The following IL1RAPL1 variants were observed in gnomAD, a reference collection of about 807,000 sequenced individuals.
IL1RAPL1 encodes interleukin-1 receptor accessory protein-like 1.
IL1RAPL1 carries 3 observed loss-of-function variants against 48.4 expected under a neutral mutation model. The observed-to-expected ratio is 0.06, with a 90% CI of 0.03 to 0.16. The LOEUF (loss-of-function observed/expected upper bound fraction) is 0.16, where lower values mean the gene tolerates loss of function less well. Among genes scored for constraint, IL1RAPL1 ranks in the 10% least tolerant of loss-of-function variants. IL1RAPL1 has a pLI of 1.00. For missense variants in IL1RAPL1, 349 were observed against 530.6 expected (o/e 0.66, Z 3.36); for synonymous variants, 185 against 187.7 (o/e 0.99, Z 0.12).
chrX:28,879,395 G>A (rs1922451858), intron 2 of IL1RAPL1, among the ~76,000 whole-genome samples: 1 of 110,979 alleles, frequency 9.0e-6, no homozygotes, highest in Non-Finnish European at 1.9e-5. Flanking sequence ...AAGTCCAGTG[G>A]GAAAGCTATG....
intron 3 of IL1RAPL1, among the ~76,000 whole-genome samples, chrX:29,309,269 G>A (rs1405369518): frequency 9.0e-6 from 1 of 111,110 alleles, no homozygotes; most frequent in Non-Finnish European, 1.9e-5. Flanking sequence ...TAAGCCTTAG[G>A]GTGAGCTAGA....
intron 2 of IL1RAPL1, among the ~76,000 whole-genome samples, chrX:29,132,676 T>C (rs1263378788): frequency 9.0e-6 from 1 of 111,396 alleles, no homozygotes; most frequent in Non-Finnish European, 1.9e-5. Flanking sequence ...ATTTTTATCT[T>C]GTGGACATTG....
chrX:29,881,976 G>T (rs757827246), intron 6 of IL1RAPL1, among the ~76,000 whole-genome samples: 1 of 111,288 alleles, frequency 9.0e-6, no homozygotes, highest in African/African-American at 3.3e-5. Flanking sequence ...TCTATAGAGG[G>T]AAACCCTTGC....
chrX:29,774,329 A>G lies in IL1RAPL1; in HGVS notation c.778+105825A>G, dbSNP rs1024826225. Among the ~76,000 whole-genome samples the G allele has an allele frequency of 2.3e-4, 26 of 111,735 alleles. 1 individual carries two copies. The highest frequency in any genetic ancestry group is 7.8e-4 in the African/African-American group (24 of 30,761). ...CAGTGGGAAATTTCCATTTGTAATT[A>G]TGTCCATCACAACATCAGCAGCAAG... On this transcript the variant is annotated intron_variant, in intron 6 of 10. Transcript: ENST00000378993.
At chrX:29,064,458 T>C (rs2147435580) in intron 2 of IL1RAPL1, among the ~76,000 whole-genome samples, 1 of 111,792 alleles carries the variant, frequency 8.9e-6, no homozygotes, top group South Asian at 3.8e-4. Context: ...CAGAGGGGAT[T>C]GGGAAGCTGG....
rs200142905 is a variant in IL1RAPL1 at position 29,310,320 on chromosome X, TTTCTC to T, written c.362+27106_362+27110del. Among the ~76,000 whole-genome samples, 148 of 105,042 alleles carry T rather than the reference TTTCTC, an allele frequency of 1.4e-3. 2 individuals carry two copies. The East Asian group carries it at 0.035, about 25-fold the overall frequency. 91.2% of individuals were successfully genotyped at this position (105,042 alleles called of 115,157 possible). A position where few individuals can be genotyped will look rare whatever the true frequency, so the allele number is the denominator to read the frequency against. On this transcript the variant is annotated intron_variant, in intron 3 of 10. Coordinates refer to ENST00000378993, the MANE Select transcript of IL1RAPL1 (RefSeq NM_014271.4). ...TTATAAAAATTATATTTTGACTTCTTTTCTCTTATATTAGTTGGTAGAATAAGCAG... is the reference window on the plus strand; with the variant it reads ...TTATAAAAATTATATTTTGACTTCTTTTATATTAGTTGGTAGAATAAGCAG...
intron 2 of IL1RAPL1, among the ~76,000 whole-genome samples, chrX:29,175,071 CTCAAAA>C (rs1929985060): frequency 3.8e-5 from 1 of 26,592 alleles, no homozygotes. Context: ...GAGACTCCGT[CTCAAAA>C]AAAAAAAAAA....
chrX:29,555,895 A>C (rs911184730), intron 5 of IL1RAPL1, among the ~76,000 whole-genome samples: 2 of 112,273 alleles, frequency 1.8e-5, no homozygotes, highest in African/African-American at 6.5e-5. Context: ...GAATTGCAGG[A>C]ATGTGCACTA....
chrX:29,207,035 G>A (rs1035595148), intron 2 of IL1RAPL1, among the ~76,000 whole-genome samples: 3 of 111,661 alleles, frequency 2.7e-5, no homozygotes, highest in African/African-American at 9.8e-5. Context: ...GGCTAGAAAT[G>A]TGCTTTTATG....
intron 2 of IL1RAPL1, among the ~76,000 whole-genome samples, chrX:29,051,497 C>T (rs995902996): frequency 2.7e-5 from 3 of 112,056 alleles, no homozygotes; most frequent in African/African-American, 6.5e-5. Context: ...GAAAACTATT[C>T]GTGCTTTTAT....
At chrX:29,241,637 G>A (rs1413307815) in intron 2 of IL1RAPL1, among the ~76,000 whole-genome samples, 1 of 111,550 alleles carries the variant, frequency 9.0e-6, no homozygotes, top group Non-Finnish European at 1.9e-5. Flanking sequence ...TTACTCAATC[G>A]CTGAGAGCTA....
intron 2 of IL1RAPL1, among the ~76,000 whole-genome samples, chrX:29,119,781 T>C (rs1928745424): frequency 9.0e-6 from 1 of 111,060 alleles, no homozygotes; most frequent in Admixed American, 9.7e-5. Flanking sequence ...ATAGTGAGCA[T>C]CAGAGAAAAA....
chrX:28,638,121 A>G (rs1019807458), intron 1 of IL1RAPL1, among the ~76,000 whole-genome samples: 1 of 111,887 alleles, frequency 8.9e-6, no homozygotes, highest in Non-Finnish European at 1.9e-5. Flanking sequence ...CAACAATTTA[A>G]TGATTTTTAA....
intron 2 of IL1RAPL1, among the ~76,000 whole-genome samples, chrX:29,068,526 G>A (rs1341409129): frequency 1.8e-5 from 2 of 112,681 alleles, no homozygotes; most frequent in Non-Finnish European, 3.7e-5. Context: ...GGACACGAAG[G>A]TGAAGTCATT....
chrX:29,769,845 G>GA (rs1389352679), intron 6 of IL1RAPL1, among the ~76,000 whole-genome samples: 1 of 109,516 alleles, frequency 9.1e-6, no homozygotes, highest in East Asian at 2.9e-4. Flanking sequence ...TCGAACTCCT[G>GA]ACCTCGTGAT....
At chrX:29,523,000 C>A (rs1216538307) in intron 5 of IL1RAPL1, among the ~76,000 whole-genome samples, 4 of 111,090 alleles carry the variant, frequency 3.6e-5, no homozygotes, top group Non-Finnish European at 7.5e-5. Context: ...AGAAACACCC[C>A]TTTCTTGTGT....
At chrX:29,442,450 A>T (rs1239048290) in intron 5 of IL1RAPL1, among the ~76,000 whole-genome samples, 2 of 111,622 alleles carry the variant, frequency 1.8e-5, no homozygotes, top group Non-Finnish European at 3.8e-5. Context: ...ATCACCACTA[A>T]AGAATTTACT....
intron 6 of IL1RAPL1, among the ~76,000 whole-genome samples, chrX:29,889,683 CAT>C (rs772534960): frequency 2.1e-3 from 236 of 111,316 alleles, no homozygotes; most frequent in Admixed American, 0.018. Flanking sequence ...TGTACATATG[CAT>C]ATGTTTGTCA....
chrX:28,727,551 G>T (rs1358207503), intron 1 of IL1RAPL1, among the ~76,000 whole-genome samples: 4 of 105,721 alleles, frequency 3.8e-5, no homozygotes, highest in Non-Finnish European at 7.7e-5. Flanking sequence ...AATTGCCCTG[G>T]CCAGAACTTC....
Sources: allele counts gnomAD v4.1 joint callset (sites outside exome capture counted in the v4.1 genomes callset), GRCh38; gene constraint gnomAD v4.1.1; transcripts MANE v1.5; gene names NCBI Gene and HGNC (gene_info 2026-07-23, HGNC 2026-07-21).